The following ZNF560 variants were observed in gnomAD, a reference collection of about 807,000 sequenced individuals.
The protein encoded by ZNF560 is zinc finger protein 560.
ZNF560 carries 54 observed loss-of-function variants against 81.8 expected under a neutral mutation model. That is an observed-to-expected ratio of 0.66 (90% CI 0.53 to 0.83). The LOEUF is 0.83. Ranked by LOEUF, ZNF560 falls within the 40% of genes least tolerant of loss-of-function variation. The probability of loss-of-function intolerance (pLI) is 0.00; values close to 1 mark genes in which losing one functional copy is unlikely to be tolerated. For missense variants in ZNF560, 940 were observed against 932.4 expected (o/e 1.01, Z -0.11); for synonymous variants, 321 against 317.9 (o/e 1.01, Z -0.10).
chr19:9,498,281 CT>C (rs2073593558), intron 1 of ZNF560, 66 bp from the exon 2 acceptor site: 1 of 152,180 alleles, frequency 6.6e-6, no homozygotes, highest in Non-Finnish European at 1.5e-5. Flanking sequence ...CGCTTGGACA[CT>C]TTTGAAGACG....
chr19:9,467,202 G>C lies in ZNF560; in HGVS notation c.1745C>G (p.Thr582Ser), dbSNP rs866294608. 1 of 1,614,084 alleles carries C rather than the reference G, an allele frequency of 6.2e-7. No individual in the cohort carries two copies. Among genetic ancestry groups the C allele is most frequent in the South Asian group, 1.1e-5 (1 of 91,082 alleles). ...ATGTTTAGTAAGGTATGAGCGCTCAGTGAAGGCTTTCCCACATTTCATACA... is the reference window on the plus strand; with the variant it reads ...ATGTTTAGTAAGGTATGAGCGCTCACTGAAGGCTTTCCCACATTTCATACA... ...YECMKCGKAF[T>S]ERSYLTKHLR... Residue 582 changes from threonine to serine, a missense_variant, in exon 10 of 10, where the codon ACT (threonine) becomes AGT (serine). Transcript: ENST00000301480.
chr19:9,496,676 G>A (rs529135329), intron 2 of ZNF560, among the ~76,000 whole-genome samples: 1 of 151,752 alleles, frequency 6.6e-6, no homozygotes, highest in African/African-American at 2.4e-5. Flanking sequence ...AGTGGCTCAC[G>A]CCTGTAATCT....
At chr19:9,487,074 C>T (rs2073397134) in intron 2 of ZNF560, among the ~76,000 whole-genome samples, 1 of 152,120 alleles carries the variant, frequency 6.6e-6, no homozygotes, top group African/African-American at 2.4e-5. Flanking sequence ...ATTGGCCAGT[C>T]AGGTTTAGCT....
At chr19:9,449,006 T>G in the ZNF560 span, among the ~76,000 whole-genome samples, 3 of 152,224 alleles carry the variant, frequency 2.0e-5, no homozygotes, top group African/African-American at 7.2e-5. Context: ...GCATTCGCAT[T>G]CATAAAACAA....
the ZNF560 span, among the ~76,000 whole-genome samples, chr19:9,446,566 C>G: frequency 2.6e-5 from 4 of 152,088 alleles, no homozygotes; most frequent in Non-Finnish European, 5.9e-5. Flanking sequence ...ATAATCCCCT[C>G]CTGTTGAGTG....
upstream of ZNF560, among the ~76,000 whole-genome samples, chr19:9,501,359 G>A (rs1391524690): frequency 1.3e-5 from 2 of 149,394 alleles, no homozygotes; most frequent in Non-Finnish European, 3.0e-5. Flanking sequence ...GTGTGTGTGT[G>A]TGTGTGTGTG....
chr19:9,491,997 G>T (rs11666465), intron 2 of ZNF560, among the ~76,000 whole-genome samples: 13 of 97,370 alleles, frequency 1.3e-4, no homozygotes, highest in African/African-American at 7.8e-4. Flanking sequence ...TTCTTTTGGG[G>T]GGGGGACAGG....
At chr19:9,454,748 T>A in the ZNF560 span, among the ~76,000 whole-genome samples, 1 of 152,126 alleles carries the variant, frequency 6.6e-6, no homozygotes, top group Non-Finnish European at 1.5e-5. Context: ...CGTATAAGGA[T>A]GGTGCTGAGG....
downstream of ZNF560, among the ~76,000 whole-genome samples, chr19:9,463,265 A>T (rs548614077): frequency 2.6e-5 from 4 of 152,322 alleles, no homozygotes; most frequent in African/African-American, 9.6e-5. Flanking sequence ...CTTCTAAAAA[A>T]AATAAAAAAG....
the ZNF560 span, among the ~76,000 whole-genome samples, chr19:9,455,216 G>A: frequency 3.3e-5 from 5 of 152,182 alleles, no homozygotes; most frequent in African/African-American, 7.2e-5. Context: ...TACTGAATGA[G>A]TTTAAACAGG....
At chr19:9,452,693 C>A in the ZNF560 span, among the ~76,000 whole-genome samples, 1 of 152,108 alleles carries the variant, frequency 6.6e-6, no homozygotes, top group African/African-American at 2.4e-5. Flanking sequence ...GAGAGCTAAG[C>A]GAGTAATCAT....
the ZNF560 span, among the ~76,000 whole-genome samples, chr19:9,506,397 G>T: frequency 6.9e-6 from 1 of 144,028 alleles, no homozygotes; most frequent in South Asian, 2.2e-4. Context: ...TCTGCTATAC[G>T]ACTGCACGCT....
At chr19:9,491,385 G>C (rs571647917) in intron 2 of ZNF560, among the ~76,000 whole-genome samples, 12 of 152,216 alleles carry the variant, frequency 7.9e-5, no homozygotes, top group Non-Finnish European at 1.8e-4. Flanking sequence ...GCCTCCCAAA[G>C]TGTTAGAGTT....
chr19:9,494,608 T>C (rs1277172016), intron 2 of ZNF560, among the ~76,000 whole-genome samples: 3 of 151,968 alleles, frequency 2.0e-5, no homozygotes, highest in Non-Finnish European at 4.4e-5. Context: ...TGGTGGCAGG[T>C]GCCTGTAATC....
chr19:9,470,902 A>C (rs1053591914), intron 6 of ZNF560, among the ~76,000 whole-genome samples: 1 of 152,226 alleles, frequency 6.6e-6, no homozygotes, highest in Non-Finnish European at 1.5e-5. Flanking sequence ...AGAAAAATAA[A>C]TATGCAGTTG....
chr19:9,454,443 G>A, the ZNF560 span, among the ~76,000 whole-genome samples: 2 of 152,324 alleles, frequency 1.3e-5, no homozygotes, highest in East Asian at 1.9e-4. Context: ...TCGCCAGAGC[G>A]ATGGTTGGAG....
chr19:9,499,526 A>G (rs2073614322), upstream of ZNF560, among the ~76,000 whole-genome samples: 1 of 152,032 alleles, frequency 6.6e-6, no homozygotes, highest in East Asian at 1.9e-4. Flanking sequence ...CTTCTTCAAC[A>G]ATGTATTTGT....
chr19:9,484,909 T>C (rs1022062884), intron 2 of ZNF560, among the ~76,000 whole-genome samples: 3 of 150,144 alleles, frequency 2.0e-5, no homozygotes, highest in Non-Finnish European at 3.0e-5. Context: ...AGAGGAAACA[T>C]TAGAACTGTT....
intron 2 of ZNF560, among the ~76,000 whole-genome samples, chr19:9,488,741 T>C (rs1376868585): frequency 1.3e-5 from 2 of 152,192 alleles, no homozygotes; most frequent in Non-Finnish European, 2.9e-5. Context: ...AATTCATTGA[T>C]ATGGAGCACT....
Sources: allele counts gnomAD v4.1 joint callset (sites outside exome capture counted in the v4.1 genomes callset), GRCh38; gene constraint gnomAD v4.1.1; transcripts MANE v1.5; gene names NCBI Gene and HGNC (gene_info 2026-07-23, HGNC 2026-07-21).